TOX2: variants seen among roughly 807,000 people sequenced by gnomAD.
TOX2 encodes granulosa cell HMG box 1.
A neutral mutation model predicts 47.4 loss-of-function variants in TOX2; 15 were observed. That is an observed-to-expected ratio of 0.32 (90% CI 0.21 to 0.49). The LOEUF is 0.49. Ranked by LOEUF, TOX2 falls within the 20% of genes least tolerant of loss-of-function variation. The pLI, the probability that TOX2 is intolerant of heterozygous loss-of-function variation, is 0.99. For synonymous variants in TOX2, 290 were observed against 296.6 expected, an observed-to-expected ratio of 0.98 and a Z score of 0.23; for missense variants, 622 against 673.1, an observed-to-expected ratio of 0.92 and a Z score of 0.84.
intron 1 of TOX2, among the ~76,000 whole-genome samples, chr20:43,927,284 A>C (rs1018450772): frequency 6.6e-6 from 1 of 152,172 alleles, no homozygotes; most frequent in Admixed American, 6.5e-5. Flanking sequence ...TCCGCAATTA[A>C]CAAAGGTGAA....
At chr20:44,020,345 T>TA (rs2145647482) in intron 3 of TOX2, among the ~76,000 whole-genome samples, 1 of 152,274 alleles carries the variant, frequency 6.6e-6, no homozygotes, top group African/African-American at 2.4e-5. Context: ...AAATACCTAA[T>TA]GCATGCGGGG....
intron 3 of TOX2, among the ~76,000 whole-genome samples, chr20:44,050,263 G>T (rs1038997777): frequency 1.3e-5 from 2 of 152,156 alleles, no homozygotes; most frequent in African/African-American, 4.8e-5. Flanking sequence ...TTTAAAATGC[G>T]GAGGAAGGGA....
At chr20:43,999,933 A>AT (rs1335518267) in intron 2 of TOX2, among the ~76,000 whole-genome samples, 1 of 152,232 alleles carries the variant, frequency 6.6e-6, no homozygotes, top group East Asian at 1.9e-4. Context: ...AGTTGATTTT[A>AT]TATAGGGGTG....
chr20:44,006,517 C>T, intron 2 of TOX2, 30 bp from the exon 3 acceptor site: 3 of 1,584,560 alleles, frequency 1.9e-6, no homozygotes, highest in Non-Finnish European at 2.6e-6. Context: ...AGGCACTGAC[C>T]CCCACCGACA....
At chr20:43,989,828 T>C (rs1009668659) in intron 2 of TOX2, among the ~76,000 whole-genome samples, 11 of 152,010 alleles carry the variant, frequency 7.2e-5, no homozygotes, top group Middle Eastern at 6.9e-3. Context: ...CATCTCATAG[T>C]TACTGCATGC....
At chr20:43,947,084 G>A (rs1330135455) in intron 1 of TOX2, among the ~76,000 whole-genome samples, 1 of 152,196 alleles carries the variant, frequency 6.6e-6, no homozygotes, top group Non-Finnish European at 1.5e-5. Flanking sequence ...CCTGCAGGAG[G>A]CAGTGGGCCC....
At position 44,068,939 on chromosome 20, in the gene TOX2, G is replaced by A; in HGVS notation, c.*253G>A. ...CTGACCTGCTTGCTCCAGGGTAACTGTGGACCCTGTCCTCGCCCTGCGCAC... is the reference window on the plus strand; with the variant it reads ...CTGACCTGCTTGCTCCAGGGTAACTATGGACCCTGTCCTCGCCCTGCGCAC... On this transcript the variant is annotated 3_prime_UTR_variant, in exon 9 of 9. Transcript: ENST00000341197. The A allele has an allele frequency of 1.5e-6, 1 of 654,634 alleles. No individual in the cohort carries two copies. Among genetic ancestry groups the A allele is most frequent in the Non-Finnish European group, 2.9e-6 (1 of 349,820 alleles). The allele number at this position is 654,634 out of a possible 1,614,324, so 40.6% of individuals were successfully genotyped here.
rs2070772996 is a variant in TOX2, at chr20:44,011,170, C to T, written c.411+4378C>T. ...TCTCCCATCTCAAGATCCTTAATCA[C>T]ATCTGCAAAGACCCTCTTTTCTAAA... is the stretch of plus-strand genomic sequence containing the variant. On this transcript the variant is annotated intron_variant, in intron 3 of 8. Transcript: ENST00000341197. 3.3e-5 allele frequency among the ~76,000 whole-genome samples: 5 copies of T among 152,180 alleles called. No individual in the cohort carries two copies. In the South Asian group the frequency reaches 1.0e-3, roughly 31 times the overall value.
At chr20:43,931,725 A>C (rs1264620602) in intron 1 of TOX2, among the ~76,000 whole-genome samples, 2 of 152,164 alleles carry the variant, frequency 1.3e-5, no homozygotes, top group African/African-American at 2.4e-5. Flanking sequence ...TGGAGGCAGG[A>C]GAATAGTTGG....
chr20:43,986,660 C>A (rs2070272730), intron 2 of TOX2, among the ~76,000 whole-genome samples: 1 of 152,100 alleles, frequency 6.6e-6, no homozygotes, highest in Admixed American at 6.5e-5. Flanking sequence ...TCTGGAGGAA[C>A]CAGTACCCTC....
chr20:44,004,944 T>G (rs556355177), intron 2 of TOX2, among the ~76,000 whole-genome samples: 1 of 152,320 alleles, frequency 6.6e-6, no homozygotes, highest in South Asian at 2.1e-4. Context: ...CTGAAAGAGC[T>G]AGAAGGAAGA....
intron 2 of TOX2, among the ~76,000 whole-genome samples, chr20:43,999,621 A>G (rs1302922674): frequency 6.6e-6 from 1 of 152,260 alleles, no homozygotes; most frequent in African/African-American, 2.4e-5. Context: ...TGTGGATTGG[A>G]AGACTTAATA....
chr20:43,934,001 T>A (rs537672216), intron 1 of TOX2, among the ~76,000 whole-genome samples: 83 of 151,902 alleles, frequency 5.5e-4, no homozygotes, highest in African/African-American at 1.7e-3. Flanking sequence ...GGGAGCTGCG[T>A]GTGCTGCAGG....
Position 44,026,228 on chromosome 20 carries a change from G to GAGAGAT in TOX2, c.411+19437_411+19438insGAGATA, listed in dbSNP as rs1555842268. ...TCGATCGAGTGGATAAAGAAACTGTGATATATATATATATATATATAGACA... is the reference window on the plus strand; with the variant it reads ...TCGATCGAGTGGATAAAGAAACTGTGAGAGATATATATATATATATATATATAGACA... On this transcript the variant is annotated intron_variant, in intron 3 of 8. Transcript: ENST00000341197. 6.3e-4 allele frequency among the ~76,000 whole-genome samples: 38 copies of GAGAGAT among 60,244 alleles called. 3 individuals are homozygous for GAGAGAT. Among genetic ancestry groups the GAGAGAT allele is most frequent in the African/African-American group, 3.7e-3 (38 of 10,370 alleles). The allele number at this position is 60,244 out of a possible 152,430, so 39.5% of individuals were successfully genotyped here.
intron 1 of TOX2, among the ~76,000 whole-genome samples, chr20:43,921,994 A>C (rs867459725): frequency 6.6e-6 from 1 of 152,140 alleles, no homozygotes; most frequent in Non-Finnish European, 1.5e-5. Context: ...TCTGTGCAGC[A>C]GAGAAAGTGG....
chr20:43,945,661 G>T (rs2069456717), intron 1 of TOX2: 2 of 457,240 alleles, frequency 4.4e-6, no homozygotes, highest in African/African-American at 4.0e-5. Context: ...GTACTTAGGG[G>T]CTGCCTCCCC....
In TOX2 at chr20:44,051,209, C is replaced by T. The variant is rs2071502901; in HGVS notation, c.412-97C>T. The T allele has an allele frequency of 5.3e-6, 8 of 1,499,986 alleles. No individual in the cohort carries two copies. The Admixed American group carries it at 1.8e-4, about 33-fold the overall frequency. 92.9% of individuals were successfully genotyped at this position (1,499,986 alleles called of 1,614,324 possible). On this transcript the variant is annotated intron_variant, in intron 3 of 8. Coordinates refer to ENST00000341197, the MANE Select transcript of TOX2 (RefSeq NM_001098797.2). ...GGAGCAGGAGCCGCACCCATCACTT[C>T]TCCTCTGCATTCCCTCCTCTAAGTC...
At chr20:43,940,463 A>G (rs1156293387) in intron 1 of TOX2, among the ~76,000 whole-genome samples, 2 of 151,632 alleles carry the variant, frequency 1.3e-5, no homozygotes, top group Non-Finnish European at 2.9e-5. Flanking sequence ...ATCTCAAGCA[A>G]TCCTCCCATC....
intron 1 of TOX2, among the ~76,000 whole-genome samples, chr20:43,967,292 A>G (rs984043293): frequency 6.6e-6 from 1 of 152,156 alleles, no homozygotes; most frequent in African/African-American, 2.4e-5. Context: ...GGAGAAAACT[A>G]TATATTAGAA....
Sources: allele counts gnomAD v4.1 joint callset (sites outside exome capture counted in the v4.1 genomes callset), GRCh38; gene constraint gnomAD v4.1.1; transcripts MANE v1.5; gene names NCBI Gene and HGNC (gene_info 2026-07-23, HGNC 2026-07-21).